The following CITED2 variants were observed in gnomAD, a reference collection of about 807,000 sequenced individuals.
CITED2 encodes Cbp/p300 interacting transactivator with ED-rich tail 2.
Under a neutral mutation model 11.8 loss-of-function variants are expected in CITED2, and 2 were observed. The ratio of observed to expected loss-of-function variants is 0.17; its 90% CI spans 0.07 to 0.54. CITED2 has a LOEUF of 0.54. CITED2 is among the 20% of genes least tolerant of loss of function. CITED2 has a pLI of 0.94. For synonymous variants in CITED2, 210 were observed against 153.0 expected, an observed-to-expected ratio of 1.37 and a Z score of -2.75; for missense variants, 437 against 390.2, an observed-to-expected ratio of 1.12 and a Z score of -1.01.
Position 139,373,862 on chromosome 6 carries a change from A to C in CITED2, c.83T>G (p.Met28Arg). 1 of 1,603,680 alleles carries C rather than the reference A, an allele frequency of 6.2e-7. No homozygotes were observed. Among genetic ancestry groups the C allele is most frequent in the Non-Finnish European group, 8.5e-7 (1 of 1,179,928 alleles). The change falls in exon 2 of 2, where the codon ATG becomes AGG. Residue 28 changes from methionine (M) to arginine (R), a missense_variant. Coordinates refer to ENST00000367651, the MANE Select transcript of CITED2 (RefSeq NM_006079.5). ...NGLHHHPAHR[M>R]GMGQFPSPHH... ...GGGGCTCGGGAACTGCCCCATGCCC[A>C]TGCGGTGGGCAGGGTGATGGTGCAG... is the stretch of plus-strand genomic sequence containing the variant.
chr6:139,373,669 C>A lies in CITED2; in HGVS notation c.276G>T (p.Arg92Ser). Residue 92 changes from arginine to serine, a missense_variant, in exon 2 of 2, where the codon AGG becomes AGT. Coordinates refer to ENST00000367651, the MANE Select transcript of CITED2 (RefSeq NM_006079.5). ...GACCCATGAACTGGGAGTTGTTAAACCTGGCCGCGGGGGCCAGCGCGCTCG... is the reference window on the plus strand; with the variant it reads ...GACCCATGAACTGGGAGTTGTTAAAACTGGCCGCGGGGGCCAGCGCGCTCG... ...HPPSALAPAARFNNSQFMGPP... is the reference protein window; with the variant it reads ...HPPSALAPAASFNNSQFMGPP... The A allele has an allele frequency of 6.2e-7, 1 of 1,612,900 alleles. No homozygotes were observed. The highest frequency in any genetic ancestry group is 8.5e-7 in the Non-Finnish European group (1 of 1,179,752).
In CITED2 at chr6:139,372,457, A is replaced by G. The variant is rs377226526; in HGVS notation, c.*675T>C. ...GACAGAAACAAAATAAAAATCTGTGAAATGTTTGCCACTGACGACATTCCA... is the reference window on the plus strand; with the variant it reads ...GACAGAAACAAAATAAAAATCTGTGGAATGTTTGCCACTGACGACATTCCA... On this transcript the variant is annotated 3_prime_UTR_variant, in exon 2 of 2. Transcript: ENST00000367651. The G allele has an allele frequency of 1.7e-4, 26 of 150,542 alleles. No homozygotes were observed. The East Asian group carries it at 4.0e-3, about 23-fold the overall frequency. 9.3% of individuals were successfully genotyped at this position (150,542 alleles called of 1,614,324 possible).
rs1272826230 is a variant in CITED2, at chr6:139,374,355, C to T, written c.-9+58G>A. The T allele has an allele frequency of 2.2e-5, 13 of 580,764 alleles. No homozygotes were observed. The highest frequency in any genetic ancestry group is 1.7e-4 in the Admixed American group (5 of 29,256). 36.0% of individuals were successfully genotyped at this position (580,764 alleles called of 1,614,324 possible). A position where few individuals can be genotyped will look rare whatever the true frequency, so the allele number is the denominator to read the frequency against. ...CTCACGCTCTTCCTCCGGGCAAACC[C>T]TGCCCTCGGAGGACTGGGCTGGCAA... On this transcript the variant is annotated intron_variant, in intron 1 of 1. Transcript: ENST00000367651.
rs998841908 is a variant in CITED2 at position 139,371,899 on chromosome 6, G to GA, written c.*1232dup. 6.6e-6 allele frequency: 1 copy of GA among 151,672 alleles called. No homozygotes were observed. Among genetic ancestry groups the GA allele is most frequent in the African/African-American group, 2.4e-5 (1 of 41,246 alleles). 9.4% of individuals were successfully genotyped at this position (151,672 alleles called of 1,614,324 possible). ...TAAGTAGTTGAATCAGGTATAAACA[G>GA]AAACACTTGATTTTTTTTGCCTCCT... On this transcript the variant is annotated 3_prime_UTR_variant, in exon 2 of 2. Coordinates refer to ENST00000367651, the MANE Select transcript of CITED2 (RefSeq NM_006079.5).
Position 139,371,944 on chromosome 6 carries a change from GT to G in CITED2, c.*1187del. On this transcript the variant is annotated 3_prime_UTR_variant, in exon 2 of 2. Coordinates refer to ENST00000367651, the MANE Select transcript of CITED2 (RefSeq NM_006079.5). ...CCTCCTGCCCATTGAAAAAGATAAT[GT>G]TGAGTATTGCAAACCTTTCTAACTC... The G allele has an allele frequency of 6.6e-6, 1 of 151,280 alleles. No individual in the cohort carries two copies. Among genetic ancestry groups the G allele is most frequent in the Non-Finnish European group, 1.5e-5 (1 of 67,894 alleles). The allele number at this position is 151,280 out of a possible 1,614,324, so 9.4% of individuals were successfully genotyped here. A position where few individuals can be genotyped will look rare whatever the true frequency, so the allele number is the denominator to read the frequency against.
In CITED2 at chr6:139,373,461, C is replaced by T. The variant is rs1001751673; in HGVS notation, c.484G>A (p.Gly162Ser). The T allele has an allele frequency of 3.2e-6, 5 of 1,568,478 alleles. No homozygotes were observed. The highest frequency in any genetic ancestry group is 2.7e-5 in the African/African-American group (2 of 73,028). Residue 162 changes from glycine (G) to serine (S), a missense_variant, in exon 2 of 2, where the codon GGC becomes AGC. Around this residue, in one of 3 missense-constraint regions of CITED2, gnomAD observed 396 missense variants for 325.2 expected, o/e 1.22. Transcript: ENST00000367651. ...HFRDCNPKHS[G>S]GSSTPGGSGG... ...GAGCCGCCGGGGGTGCTGCTGCCGC[C>T]GCTGTGCTTGGGGTTGCAATCTCGG...
Position 139,373,460 on chromosome 6 carries a change from C to T in CITED2, c.485G>A (p.Gly162Asp). 6.4e-7 allele frequency: 1 copy of T among 1,568,566 alleles called. No individual in the cohort carries two copies. Among genetic ancestry groups the T allele is most frequent in the Non-Finnish European group, 8.6e-7 (1 of 1,158,478 alleles). ...CGAGCCGCCGGGGGTGCTGCTGCCGCCGCTGTGCTTGGGGTTGCAATCTCG... is the reference window on the plus strand; with the variant it reads ...CGAGCCGCCGGGGGTGCTGCTGCCGTCGCTGTGCTTGGGGTTGCAATCTCG... Reference protein sequence around the residue: ...HFRDCNPKHSGGSSTPGGSGG... With the variant: ...HFRDCNPKHSDGSSTPGGSGG... Residue 162 changes from glycine to aspartate, a missense_variant, in exon 2 of 2, where the codon GGC (glycine) becomes GAC (aspartate). Physicochemically the swap from Gly to Asp is moderately conservative, Grantham distance 94. Around this residue, in one of 3 missense-constraint regions of CITED2, gnomAD observed 396 missense variants for 325.2 expected, o/e 1.22. Transcript: ENST00000367651.
At position 139,373,328 on chromosome 6, in the gene CITED2, G is replaced by A. The variant is rs778778024; in HGVS notation, c.617C>T (p.Ala206Val). Reference sequence around the variant, plus strand: ...CGGCAGCATTGCAGCGGGGACGTGGGCCACGGAGGCGGGCATGTTGCCGCT... The same window carrying A: ...CGGCAGCATTGCAGCGGGGACGTGGACCACGGAGGCGGGCATGTTGCCGCT... ...SGSGNMPASV[A>V]HVPAAMLPPN... Residue 206 changes from alanine to valine, a missense_variant, in exon 2 of 2, where the codon GCC becomes GTC. Around this residue, in one of 3 missense-constraint regions of CITED2, gnomAD observed 396 missense variants for 325.2 expected, o/e 1.22. Transcript: ENST00000367651. 17 of 1,609,990 alleles carry A rather than the reference G, an allele frequency of 1.1e-5. No homozygotes were observed. The highest frequency in any genetic ancestry group is 1.4e-5 in the Non-Finnish European group (16 of 1,178,764).
intron 1 of CITED2, 81 bp from the exon 2 acceptor site, chr6:139,374,033 G>GC: frequency 2.0e-6 from 3 of 1,531,246 alleles, no homozygotes; most frequent in South Asian, 2.4e-5. Context: ...GCTCGCCTCT[G>GC]CCCCCCAGGA....
chr6:139,374,292 C>T (rs2114780739), intron 1 of CITED2, 121 bp downstream of exon 1: 3 of 933,362 alleles, frequency 3.2e-6, no homozygotes, highest in Admixed American at 3.0e-5. Flanking sequence ...CCTCCTCATC[C>T]TGTTGTTGCA....
chr6:139,374,131 C>G lies in CITED2; in HGVS notation c.-8-179G>C. 11 of 1,483,510 alleles carry G rather than the reference C, an allele frequency of 7.4e-6. No individual in the cohort carries two copies. Among genetic ancestry groups the G allele is most frequent in the Non-Finnish European group, 9.9e-6 (11 of 1,116,440 alleles). The allele number at this position is 1,483,510 out of a possible 1,614,324, so 91.9% of individuals were successfully genotyped here. On this transcript the variant is annotated intron_variant, in intron 1 of 1. Transcript: ENST00000367651. ...CGGGCTAGCCACCACGGAAGAGCTA[C>G]CACTCATAACACAGCCGGACGCTGC...
chr6:139,374,037 C>T, intron 1 of CITED2, 85 bp from the exon 2 acceptor site: 2 of 1,529,690 alleles, frequency 1.3e-6, no homozygotes, highest in South Asian at 1.2e-5. Flanking sequence ...GCCTCTGCCC[C>T]CCAGGATTCC....
rs562937099 is a variant in CITED2, at chr6:139,373,002, T to A, written c.*130A>T. ...AAACCAATTTGTACAAGTTTATAGTTTACTTTGTTTCCAAGTTCTCAAACC... is the reference window on the plus strand; with the variant it reads ...AAACCAATTTGTACAAGTTTATAGTATACTTTGTTTCCAAGTTCTCAAACC... On this transcript the variant is annotated 3_prime_UTR_variant, in exon 2 of 2. Transcript: ENST00000367651. The A allele has an allele frequency of 4.6e-4, 449 of 981,988 alleles. No homozygotes were observed. The highest frequency in any genetic ancestry group is 4.4e-3 in the Middle Eastern group (14 of 3,216). 60.8% of individuals were successfully genotyped at this position (981,988 alleles called of 1,614,324 possible). A position where few individuals can be genotyped will look rare whatever the true frequency, so the allele number is the denominator to read the frequency against.
chr6:139,372,064 AATG>A lies in CITED2; in HGVS notation c.*1065_*1067del, dbSNP rs1228891762. 6.6e-6 allele frequency: 1 copy of A among 151,704 alleles called. No individual in the cohort carries two copies. The highest frequency in any genetic ancestry group is 1.5e-5 in the Non-Finnish European group (1 of 68,004). The allele number at this position is 151,704 out of a possible 1,614,324, so 9.4% of individuals were successfully genotyped here. A position where few individuals can be genotyped will look rare whatever the true frequency, so the allele number is the denominator to read the frequency against. On this transcript the variant is annotated 3_prime_UTR_variant, in exon 2 of 2. Coordinates refer to ENST00000367651, the MANE Select transcript of CITED2 (RefSeq NM_006079.5). ...TAAAGCACACCAAGAGGCATGTTAC[AATG>A]ATAACAATGAAGCATTATGCCAATT...
chr6:139,373,781 T>A lies in CITED2; in HGVS notation c.164A>T (p.His55Leu). 3.1e-6 allele frequency: 5 copies of A among 1,610,674 alleles called. No individual in the cohort carries two copies. In the South Asian group the frequency reaches 5.5e-5, roughly 18 times the overall value. Reference sequence around the variant, plus strand: ...CATGTTGCCCGCGCCGTAGTGTATGTGCTCGCCCATTAGGGCGTTGAAGGC... The same window carrying A: ...CATGTTGCCCGCGCCGTAGTGTATGAGCTCGCCCATTAGGGCGTTGAAGGC... ...QHAFNALMGE[H>L]IHYGAGNMNA... The change falls in exon 2 of 2, where the codon CAC becomes CTC. Residue 55 changes from histidine to leucine, a missense_variant. By Grantham distance (99) the His-to-Leu change is moderately conservative. Coordinates refer to ENST00000367651, the MANE Select transcript of CITED2 (RefSeq NM_006079.5).
In CITED2 at chr6:139,373,553, T is replaced by C. The variant is rs142378054; in HGVS notation, c.392A>G (p.His131Arg). The stretch of plus-strand genomic sequence containing the variant: ...GTGCAAATCCGGCATGTAGTGGTTG[T>C]GGGGGTAGGGGTGATGGTTGAAATA... The part of the protein sequence containing the change: ...NQYFNHHPYP[H>R]NHYMPDLHPA... The change falls in exon 2 of 2, where the codon CAC becomes CGC. Residue 131 changes from histidine to arginine, a missense_variant. This residue lies in a region of CITED2 where 396 missense variants were observed against 325.2 expected (regional missense o/e 1.22). Transcript: ENST00000367651. The C allele has an allele frequency of 6.2e-7, 1 of 1,613,956 alleles. No individual in the cohort carries two copies. The highest frequency in any genetic ancestry group is 1.1e-5 in the South Asian group (1 of 91,064).
In CITED2 at chr6:139,373,970, AGAT is replaced by A. The variant is rs1277320980; in HGVS notation, c.-8-21_-8-19del. The stretch of plus-strand genomic sequence containing the variant: ...TTCCAGTCCTGGAAGTGAAAAGGGC[AGAT>A]AATGAGACCCGCGCCACACGTGTCG... On this transcript the variant is annotated intron_variant, in intron 1 of 1. Transcript: ENST00000367651. The A allele has an allele frequency of 6.3e-7, 1 of 1,591,074 alleles. No individual in the cohort carries two copies. Among genetic ancestry groups the A allele is most frequent in the Admixed American group, 1.7e-5 (1 of 58,996 alleles).
chr6:139,372,907 A>G lies in CITED2; in HGVS notation c.*225T>C. ...GCTAGATATTTCAACTACATAAGGG[A>G]GGTGGGTGAATGTCAAGGCTACAAA... On this transcript the variant is annotated 3_prime_UTR_variant, in exon 2 of 2. Transcript: ENST00000367651. 1 of 593,040 alleles carries G rather than the reference A, an allele frequency of 1.7e-6. No homozygotes were observed. Among genetic ancestry groups the G allele is most frequent in the Non-Finnish European group, 3.0e-6 (1 of 332,378 alleles). 36.7% of individuals were successfully genotyped at this position (593,040 alleles called of 1,614,324 possible). A position where few individuals can be genotyped will look rare whatever the true frequency, so the allele number is the denominator to read the frequency against.
At position 139,372,897 on chromosome 6, in the gene CITED2, T is replaced by C. The variant is rs1467789985; in HGVS notation, c.*235A>G. 4 of 567,668 alleles carry C rather than the reference T, an allele frequency of 7.0e-6. No homozygotes were observed. The highest frequency in any genetic ancestry group is 2.1e-5 in the South Asian group (1 of 47,596). The allele number at this position is 567,668 out of a possible 1,614,324, so 35.2% of individuals were successfully genotyped here. On this transcript the variant is annotated 3_prime_UTR_variant, in exon 2 of 2. Transcript: ENST00000367651. ...GACCAAGTTAGCTAGATATTTCAAC[T>C]ACATAAGGGAGGTGGGTGAATGTCA... is the stretch of plus-strand genomic sequence containing the variant.
Sources: allele counts gnomAD v4.1 joint callset, GRCh38; gene constraint gnomAD v4.1.1; regional missense constraint gnomAD v4.1.1; transcripts MANE v1.5; gene names NCBI Gene and HGNC (gene_info 2026-07-23, HGNC 2026-07-21).